Variants in WIPF1 observed in about 807,000 individuals in gnomAD.
The protein encoded by WIPF1 is WAS/WASL interacting protein family member 1, also known as WAS/WASL-interacting protein family member 1.
WIPF1 carries 13 observed loss-of-function variants against 35.4 expected under a neutral mutation model. The ratio of observed to expected loss-of-function variants is 0.37; its 90% CI spans 0.24 to 0.58. The LOEUF (loss-of-function observed/expected upper bound fraction) is 0.58, where lower values mean the gene tolerates loss of function less well. Ranked by LOEUF, WIPF1 falls within the 20% of genes least tolerant of loss-of-function variation. The pLI is 0.74. For synonymous variants in WIPF1, 267 were observed against 266.3 expected, an observed-to-expected ratio of 1.00 and a Z score of -0.02; for missense variants, 591 against 667.0, an observed-to-expected ratio of 0.89 and a Z score of 1.25.
chr2:174,568,080 C>CA lies in WIPF1; in HGVS notation c.1130-8dup, dbSNP rs763806469. The CA allele has an allele frequency of 6.9e-6, 11 of 1,599,076 alleles. 1 individual carries two copies. The highest frequency in any genetic ancestry group is 4.1e-4 in the Middle Eastern group (2 of 4,930). ...GGAGGTGGTGGGAGGGGGCCTGGAG[C>CA]AAAAAAAGACACTTAGTGCAGAACC... is the stretch of plus-strand genomic sequence containing the variant. On this transcript the variant is annotated splice_region_variant and splice_polypyrimidine_tract_variant and intron_variant, in intron 5 of 7. Coordinates refer to ENST00000679041, the MANE Select transcript of WIPF1 (RefSeq NM_001375834.1).
At chr2:174,608,197 G>A (rs1311578608) in intron 1 of WIPF1, among the ~76,000 whole-genome samples, 1 of 152,090 alleles carries the variant, frequency 6.6e-6, no homozygotes, top group African/African-American at 2.4e-5. Context: ...AAGAGGCAGG[G>A]GAACCAAACT....
chr2:174,604,572 T>C (rs1686100054), intron 1 of WIPF1, among the ~76,000 whole-genome samples: 1 of 151,092 alleles, frequency 6.6e-6, no homozygotes, highest in Non-Finnish European at 1.5e-5. Flanking sequence ...GCTGAAACTT[T>C]AAAATAGTGG....
chr2:174,630,814 C>T (rs575576710), intron 1 of WIPF1: 1 of 152,312 alleles, frequency 6.6e-6, no homozygotes, highest in South Asian at 2.1e-4. Context: ...TCTTTCCTAC[C>T]ACTTCCTTGC....
intron 1 of WIPF1, among the ~76,000 whole-genome samples, chr2:174,644,830 A>G (rs1687370242): frequency 1.3e-5 from 2 of 152,272 alleles, no homozygotes; most frequent in Admixed American, 6.5e-5. Flanking sequence ...GAGGCACAGT[A>G]GTAAACAAGA....
At chr2:174,608,975 C>T (rs1419119929) in intron 1 of WIPF1, among the ~76,000 whole-genome samples, 1 of 152,208 alleles carries the variant, frequency 6.6e-6, no homozygotes, top group Non-Finnish European at 1.5e-5. Context: ...CCCATCTGAA[C>T]ACTGTGGGAA....
chr2:174,658,429 T>C (rs1170719636), intron 1 of WIPF1, among the ~76,000 whole-genome samples: 2 of 152,112 alleles, frequency 1.3e-5, no homozygotes, highest in Admixed American at 1.3e-4. Context: ...CCCAAGTCCA[T>C]TACTGATACA....
rs192131580 is a variant in WIPF1, at chr2:174,660,970, G to A, written c.-39+21804C>T. Among the ~76,000 whole-genome samples, 39 of 152,380 alleles carry A rather than the reference G, an allele frequency of 2.6e-4. No homozygotes were observed. The East Asian group carries it at 5.0e-3, about 20-fold the overall frequency. Reference sequence around the variant, plus strand: ...AAAGCACCTGACGGAGGCTGGAACTGAAGTCAAGAGGGGCGAGGGGCATGT... The same window carrying A: ...AAAGCACCTGACGGAGGCTGGAACTAAAGTCAAGAGGGGCGAGGGGCATGT... On this transcript the variant is annotated intron_variant, in intron 1 of 8. Coordinates refer to the WIPF1 transcript ENST00000272746.
In WIPF1 at chr2:174,581,308, A is replaced by G; in HGVS notation, c.181+2T>C. The G allele has an allele frequency of 6.2e-7, 1 of 1,613,702 alleles. No individual in the cohort carries two copies. The highest frequency in any genetic ancestry group is 8.5e-7 in the Non-Finnish European group (1 of 1,179,814). Reference sequence around the variant, plus strand: ...CATGGTAGATAGCCTTTTTTTACTTACTGTCCAGTATTGGTGCACTTCTGT... The same window carrying G: ...CATGGTAGATAGCCTTTTTTTACTTGCTGTCCAGTATTGGTGCACTTCTGT... On this transcript the variant is annotated splice_donor_variant, in intron 3 of 7. Coordinates refer to ENST00000679041, the MANE Select transcript of WIPF1 (RefSeq NM_001375834.1). LOFTEE classifies it high-confidence loss of function.
intron 1 of WIPF1, among the ~76,000 whole-genome samples, chr2:174,664,380 G>A (rs1687844960): frequency 6.6e-6 from 1 of 152,114 alleles, no homozygotes; most frequent in Non-Finnish European, 1.5e-5. Context: ...CTTAGTGCTG[G>A]GTTAGTCCAG....
intron 2 of WIPF1, 78 bp downstream of exon 2, chr2:174,585,430 GCAAACACATTTAATA>G (rs1685379589): frequency 1.5e-6 from 2 of 1,309,938 alleles, no homozygotes; most frequent in African/African-American, 2.9e-5. Context: ...GAGCCAGAAT[GCAAACACATTTAATA>G]CAAACACATG....
At chr2:174,646,882 T>G (rs933084339) in intron 1 of WIPF1, among the ~76,000 whole-genome samples, 27 of 152,206 alleles carry the variant, frequency 1.8e-4, no homozygotes, top group Non-Finnish European at 3.8e-4. Flanking sequence ...CCCAAAGTGC[T>G]GAAACTACAG....
intron 1 of WIPF1, among the ~76,000 whole-genome samples, chr2:174,603,191 A>G (rs1200063364): frequency 1.3e-5 from 2 of 151,794 alleles, no homozygotes; most frequent in Admixed American, 6.5e-5. Context: ...AGGGAGAAAA[A>G]CCAAGTGCTG....
At chr2:174,646,409 T>C (rs1687409964) in intron 1 of WIPF1, among the ~76,000 whole-genome samples, 1 of 152,196 alleles carries the variant, frequency 6.6e-6, no homozygotes, top group Non-Finnish European at 1.5e-5. Context: ...TGCAATTAAT[T>C]GCTTTATTCT....
intron 1 of WIPF1, among the ~76,000 whole-genome samples, chr2:174,632,965 C>CCTT: frequency 6.6e-6 from 1 of 152,192 alleles, no homozygotes; most frequent in Non-Finnish European, 1.5e-5. Context: ...GTACAAGAGG[C>CCTT]CTTCCTACTG....
chr2:174,573,488 C>T (rs778336344), intron 4 of WIPF1, among the ~76,000 whole-genome samples: 2 of 152,160 alleles, frequency 1.3e-5, no homozygotes, highest in Admixed American at 6.5e-5. Flanking sequence ...ACTAAAAAGA[C>T]ACTAAAATAG....
At chr2:174,638,712 T>C (rs975117930) in intron 1 of WIPF1, among the ~76,000 whole-genome samples, 5 of 152,260 alleles carry the variant, frequency 3.3e-5, no homozygotes, top group African/African-American at 1.2e-4. Context: ...ATCCATGTTG[T>C]CACAAATGAC....
At chr2:174,651,261 C>T (rs1687527040) in intron 1 of WIPF1, among the ~76,000 whole-genome samples, 1 of 152,142 alleles carries the variant, frequency 6.6e-6, no homozygotes, top group African/African-American at 2.4e-5. Context: ...CTTTGTAGCA[C>T]AAACTAGTAG....
At chr2:174,606,973 C>G (rs1686185207) in intron 1 of WIPF1, among the ~76,000 whole-genome samples, 1 of 152,176 alleles carries the variant, frequency 6.6e-6, no homozygotes, top group Admixed American at 6.5e-5. Context: ...CTTGCCGTGT[C>G]ATTACCATGG....
intron 1 of WIPF1, among the ~76,000 whole-genome samples, chr2:174,646,648 G>A (rs1687415075): frequency 6.6e-6 from 1 of 152,092 alleles, no homozygotes; most frequent in Admixed American, 6.6e-5. Flanking sequence ...TTTCTGAGAT[G>A]GAGTCTCATT....
Sources: gnomAD v4.1 joint callset for allele counts (sites outside exome capture counted in the v4.1 genomes callset) on GRCh38, gnomAD v4.1.1 for gene constraint, MANE v1.5 for transcripts, NCBI Gene and HGNC (gene_info 2026-07-23, HGNC 2026-07-21) for gene names.